MTA3: variants seen among roughly 807,000 people sequenced by gnomAD.
MTA3 encodes the protein metastasis-associated protein MTA3.
A neutral mutation model predicts 83.5 loss-of-function variants in MTA3; 34 were observed. The ratio of observed to expected loss-of-function variants is 0.41; its 90% CI spans 0.31 to 0.54. The LOEUF (loss-of-function observed/expected upper bound fraction) is 0.54. Among genes scored for constraint, MTA3 ranks in the 20% least tolerant of loss-of-function variants. MTA3 has a pLI of 0.33. For missense variants in MTA3, 761 were observed against 726.4 expected, an observed-to-expected ratio of 1.05 and a Z score of -0.55; for synonymous variants, 303 against 252.7, an observed-to-expected ratio of 1.20 and a Z score of -1.89.
intron 4 of MTA3, 36 bp from the exon 5 acceptor site, chr2:42,640,137 C>G: frequency 2.6e-6 from 4 of 1,514,934 alleles, no homozygotes; most frequent in Non-Finnish European, 3.6e-6. Context: ...GTGAGGTGGC[C>G]TTTGTTACAT....
At chr2:42,559,694 C>A (rs1677573470) in intron 2 of MTA3, among the ~76,000 whole-genome samples, 1 of 151,032 alleles carries the variant, frequency 6.6e-6, no homozygotes, top group Non-Finnish European at 1.5e-5. Context: ...GCCTGACCAA[C>A]ATGGAGAAAC....
At chr2:42,609,073 T>C (rs6706285) in intron 3 of MTA3, among the ~76,000 whole-genome samples, 114,114 of 147,758 alleles carry the variant, frequency 0.77, 44,743 homozygotes, top group African/African-American at 0.9. Flanking sequence ...GCTCTTTCAC[T>C]CAGGCTGGTG....
At chr2:42,655,063 C>G (rs1436937219) in intron 6 of MTA3, among the ~76,000 whole-genome samples, 2 of 152,202 alleles carry the variant, frequency 1.3e-5, no homozygotes, top group African/African-American at 4.8e-5. Context: ...CCCCTCATTA[C>G]TTGTGAAGGA....
At chr2:42,570,278 G>T (rs1382733325) in intron 1 of MTA3, among the ~76,000 whole-genome samples, 159 bp from the exon 2 acceptor site, 1 of 152,216 alleles carries the variant, frequency 6.6e-6, no homozygotes, top group Non-Finnish European at 1.5e-5. Flanking sequence ...GTAGGCACGT[G>T]AGAGGATATA....
chr2:42,515,656 C>T (rs539916382), intron 2 of MTA3, among the ~76,000 whole-genome samples: 4 of 151,758 alleles, frequency 2.6e-5, no homozygotes, highest in African/African-American at 7.2e-5. Flanking sequence ...GTGTGCACCA[C>T]CTCGCTCGGC....
At position 42,753,625 on chromosome 2, in the gene MTA3, C is replaced by G; in HGVS notation, c.*226C>G. ...CAGCACCTCGCTTTCTTGTCAGAGA[C>G]CTCGCTGTTACGGAGCGAGACCTGC... On this transcript the variant is annotated 3_prime_UTR_variant, in exon 17 of 17. Coordinates refer to ENST00000405094, the MANE Select transcript of MTA3 (RefSeq NM_001330442.2). 7.4e-7 allele frequency: 1 copy of G among 1,357,614 alleles called. No individual in the cohort carries two copies. The highest frequency in any genetic ancestry group is 9.5e-7 in the Non-Finnish European group (1 of 1,053,172). 84.1% of individuals were successfully genotyped at this position (1,357,614 alleles called of 1,614,324 possible).
intron 2 of MTA3, among the ~76,000 whole-genome samples, chr2:42,524,290 C>G (rs953156475): frequency 3.3e-5 from 5 of 151,704 alleles, no homozygotes; most frequent in African/African-American, 1.2e-4. Context: ...TCAATGGTTG[C>G]AACCATTATT....
chr2:42,752,942 T>TC (rs1180014139), intron 16 of MTA3, among the ~76,000 whole-genome samples: 1 of 151,974 alleles, frequency 6.6e-6, no homozygotes, highest in Non-Finnish European at 1.5e-5. Context: ...TTTTTTTTTT[T>TC]CAGACAGGGT....
intron 2 of MTA3, among the ~76,000 whole-genome samples, chr2:42,518,765 A>G (rs942329202): frequency 1.3e-5 from 2 of 151,996 alleles, no homozygotes; most frequent in Non-Finnish European, 2.9e-5. Context: ...CAGGAGTTCA[A>G]GACCAACCTG....
intron 8 of MTA3, among the ~76,000 whole-genome samples, chr2:42,681,805 G>T (rs1256330213): frequency 6.6e-6 from 1 of 151,632 alleles, no homozygotes; most frequent in African/African-American, 2.4e-5. Flanking sequence ...GCCACGATGT[G>T]TGGCCTGGCT....
intron 4 of MTA3, among the ~76,000 whole-genome samples, chr2:42,633,688 G>A (rs1257399877): frequency 6.6e-6 from 1 of 151,986 alleles, no homozygotes; most frequent in Non-Finnish European, 1.5e-5. Flanking sequence ...TCAGGAGATC[G>A]AGACCATCCT....
intron 3 of MTA3, among the ~76,000 whole-genome samples, chr2:42,607,096 G>A (rs928193853): frequency 2.0e-3 from 23 of 11,502 alleles, no homozygotes; most frequent in Non-Finnish European, 2.4e-3. Flanking sequence ...AGGGGTAGGG[G>A]TAGAGGTAGA....
At chr2:42,701,110 GTAGA>G (rs1020809912) in intron 11 of MTA3, among the ~76,000 whole-genome samples, 5 of 151,712 alleles carry the variant, frequency 3.3e-5, no homozygotes, top group African/African-American at 4.8e-5. Context: ...AAAAAATTAA[GTAGA>G]TAGATAATAA....
rs1033411367 is a variant in MTA3 at position 42,603,577 on chromosome 2, A to G, written c.191-5881A>G. Among the ~76,000 whole-genome samples the G allele has an allele frequency of 2.0e-5, 3 of 152,318 alleles. No homozygotes were observed. In the South Asian group the frequency reaches 6.2e-4, roughly 32 times the overall value. On this transcript the variant is annotated intron_variant, in intron 3 of 16. Transcript: ENST00000405094. ...TAACTGATGAGTCCTTGTATCTCAC[A>G]CTGTGGAAATAAAATTTCTGTGGTA...
intron 8 of MTA3, among the ~76,000 whole-genome samples, chr2:42,679,638 C>T (rs1691689157): frequency 1.3e-5 from 2 of 152,220 alleles, no homozygotes; most frequent in South Asian, 4.1e-4. Flanking sequence ...CATCTTGTGT[C>T]ACACAGATCT....
At chr2:42,532,821 T>A in intron 2 of MTA3, 1 of 414,348 alleles carries the variant, frequency 2.4e-6, no homozygotes. Flanking sequence ...ATTGGTTCTC[T>A]CACAGTGTGC....
chr2:42,593,227 C>G (rs1439937378), intron 3 of MTA3, among the ~76,000 whole-genome samples: 1 of 151,752 alleles, frequency 6.6e-6, no homozygotes, highest in Non-Finnish European at 1.5e-5. Flanking sequence ...TGGCTCACAC[C>G]TGTAATCTCA....
At chr2:42,668,354 C>T (rs1690485968) in intron 8 of MTA3, among the ~76,000 whole-genome samples, 1 of 152,192 alleles carries the variant, frequency 6.6e-6, no homozygotes, top group East Asian at 1.9e-4. Context: ...GCCCTTCTGG[C>T]TCTTAAGGCC....
chr2:42,706,509 T>G lies in MTA3; in HGVS notation c.1151-1394T>G, dbSNP rs1032667857. ...ATATAATGGTCTCTGTATTTTCTCTTTTTCACATTGGTTTGTGAAGTGTTA... is the reference window on the plus strand; with the variant it reads ...ATATAATGGTCTCTGTATTTTCTCTGTTTCACATTGGTTTGTGAAGTGTTA... On this transcript the variant is annotated intron_variant, in intron 12 of 16. Transcript: ENST00000405094. 9.8e-5 allele frequency among the ~76,000 whole-genome samples: 15 copies of G among 152,354 alleles called. No individual in the cohort carries two copies. The East Asian group carries it at 1.9e-3, about 20-fold the overall frequency.
Sources: allele counts gnomAD v4.1 joint callset (sites outside exome capture counted in the v4.1 genomes callset), GRCh38; gene constraint gnomAD v4.1.1; transcripts MANE v1.5; gene names NCBI Gene and HGNC (gene_info 2026-07-23, HGNC 2026-07-21).